STXBP2: variants seen among roughly 807,000 people sequenced by gnomAD.
STXBP2 encodes syntaxin binding protein 2.
A neutral mutation model predicts 72.2 loss-of-function variants in STXBP2; 47 were observed. The observed-to-expected ratio is 0.65, with a 90% CI of 0.51 to 0.83. STXBP2 has a LOEUF of 0.83. STXBP2 is among the 40% of genes least tolerant of loss of function. STXBP2 has a pLI of 0.00. For synonymous variants in STXBP2, 367 were observed against 338.7 expected, an observed-to-expected ratio of 1.08 and a Z score of -0.92; for missense variants, 702 against 807.6, an observed-to-expected ratio of 0.87 and a Z score of 1.58.
At position 7,642,654 on chromosome 19, in the gene STXBP2, CCA is replaced by C. The variant is rs2031941416; in HGVS notation, c.903-111_903-110del. The stretch of plus-strand genomic sequence containing the variant: ...CCTCATGAGCACCCCTCGTGTGACT[CCA>C]GACTGGCCTCCAATTTCACCCCACC... On this transcript the variant is annotated intron_variant, in intron 10 of 18. Transcript: ENST00000221283. The surrounding 1 kb of genome is among the most constrained non-coding windows in gnomAD (Gnocchi z 6.0). The C allele has an allele frequency of 6.8e-7, 1 of 1,479,000 alleles. No homozygotes were observed. Among genetic ancestry groups the C allele is most frequent in the Non-Finnish European group, 9.4e-7 (1 of 1,064,182 alleles). The allele number at this position is 1,479,000 out of a possible 1,614,324, so 91.6% of individuals were successfully genotyped here.
chr19:7,630,536 G>T, the STXBP2 span: 2 of 1,465,252 alleles, frequency 1.4e-6, no homozygotes, highest in South Asian at 1.2e-5. Flanking sequence ...CACATTGCTT[G>T]GGGGGAGCTC....
In STXBP2 at chr19:7,638,431, A is replaced by G. The variant is rs752531041; in HGVS notation, c.38-295A>G. ...AGCTTGGGCAACATAGCGAGACCCC[A>G]TCTATACAGAAATAAAAATAAATTA... On this transcript the variant is annotated intron_variant, in intron 1 of 18. Transcript: ENST00000221283. Among the ~76,000 whole-genome samples the G allele has an allele frequency of 7.4e-4, 112 of 152,276 alleles. 1 individual carries two copies. In the Middle Eastern group the frequency reaches 0.014, roughly 18 times the overall value.
chr19:7,632,505 G>GT (rs2031361148), upstream of STXBP2: 2 of 1,613,400 alleles, frequency 1.2e-6, no homozygotes, highest in Admixed American at 1.7e-5. The surrounding 1 kb of genome is among the most constrained non-coding windows in gnomAD (Gnocchi z 5.2). Context: ...CATCTCGGGG[G>GT]TGGGGTCGCT....
upstream of STXBP2, chr19:7,633,381 G>T (rs1278053203): frequency 3.2e-6 from 5 of 1,554,056 alleles, no homozygotes; most frequent in Non-Finnish European, 3.5e-6. Context: ...TGAGCTGGGG[G>T]TGGGGTGGGG....
intron 13 of STXBP2, among the ~76,000 whole-genome samples, chr19:7,644,114 G>A (rs112140291): frequency 2.6e-4 from 32 of 123,860 alleles, no homozygotes; most frequent in East Asian, 5.8e-4. Context: ...GAGGGGTGGA[G>A]CCTTGGAGAG....
At position 7,642,919 on chromosome 19, in the gene STXBP2, G is replaced by A; in HGVS notation, c.961-64G>A. ...AGCCTGGATTTCGAGCCTGGACTGA[G>A]ACCCAGGTGGGCACTGCCTGGCTTC... On this transcript the variant is annotated intron_variant, in intron 11 of 18. Transcript: ENST00000221283. This position sits in a 1 kb window ranked among gnomAD's most constrained non-coding sequence, Gnocchi z 6.0. 6.2e-7 allele frequency: 1 copy of A among 1,612,486 alleles called. No homozygotes were observed. The highest frequency in any genetic ancestry group is 8.5e-7 in the Non-Finnish European group (1 of 1,178,506).
intron 6 of STXBP2, 40 bp downstream of exon 6, chr19:7,641,043 G>A (rs763101588): frequency 6.3e-7 from 1 of 1,597,414 alleles, no homozygotes; most frequent in South Asian, 1.1e-5. Flanking sequence ...GTGGGGGTTT[G>A]TGACCAAATG....
intron 4 of STXBP2, chr19:7,640,027 T>C (rs1220944221): frequency 1.5e-6 from 1 of 671,290 alleles, no homozygotes; most frequent in East Asian, 2.9e-5. Context: ...TGCATGTGCA[T>C]GTGTGTGCGT....
the STXBP2 span, chr19:7,631,534 G>A: frequency 2.4e-5 from 37 of 1,535,844 alleles, no homozygotes; most frequent in Non-Finnish European, 2.8e-5. Flanking sequence ...AAGCTCCTTC[G>A]CGACGCCCAG....
At chr19:7,630,028 G>A in the STXBP2 span, 1 of 856,936 alleles carries the variant, frequency 1.2e-6, no homozygotes, top group Non-Finnish European at 1.7e-6. Flanking sequence ...GGGACGCTGG[G>A]CTGGGGGGGT....
chr19:7,640,003 T>G (rs1169562578), intron 4 of STXBP2, 196 bp downstream of exon 4: 1 of 684,532 alleles, frequency 1.5e-6, no homozygotes. Context: ...TGTGTGTCTA[T>G]GTATGTGTCT....
chr19:7,641,199 T>TA (rs1417339723), intron 6 of STXBP2, 196 bp downstream of exon 6: 2 of 663,360 alleles, frequency 3.0e-6, no homozygotes, highest in Non-Finnish European at 5.4e-6. Flanking sequence ...CCCCGTCTCT[T>TA]AAAAAAAGAA....
chr19:7,631,404 G>T, the STXBP2 span: 4 of 1,065,392 alleles, frequency 3.8e-6, no homozygotes, highest in South Asian at 3.1e-5. Context: ...GTGGGCGGGG[G>T]GGGGTGGTCC....
At chr19:7,638,867 T>TGTCCACATG in intron 2 of STXBP2, 92 bp downstream of exon 2, 1 of 1,587,576 alleles carries the variant, frequency 6.3e-7, no homozygotes, top group Non-Finnish European at 8.6e-7. Context: ...AAGAACTGCC[T>TGTCCACATG]GTCCACATGG....
In STXBP2 at chr19:7,640,388, C is replaced by CTG. The variant is rs1425023849; in HGVS notation, c.247-342_247-341dup. 1,999 of 560,232 alleles carry CTG rather than the reference C, an allele frequency of 3.6e-3. 28 individuals carry two copies. The highest frequency in any genetic ancestry group is 0.033 in the African/African-American group (1,613 of 48,452). The allele number at this position is 560,232 out of a possible 1,614,324, so 34.7% of individuals were successfully genotyped here. A position where few individuals can be genotyped will look rare whatever the true frequency, so the allele number is the denominator to read the frequency against. On this transcript the variant is annotated intron_variant, in intron 4 of 18. Coordinates refer to ENST00000221283, the MANE Select transcript of STXBP2 (RefSeq NM_006949.4). ...TATGCGTGTGTGTGCGCATCAGTGT[C>CTG]TGCATGTGTGTATATGTGTGTATGT... is the stretch of plus-strand genomic sequence containing the variant.
intron 4 of STXBP2, chr19:7,640,111 TGTGTGTATGC>T (rs1406342473): frequency 1.2e-5 from 7 of 594,486 alleles, no homozygotes; most frequent in East Asian, 3.4e-5. Context: ...TGTCTGTGCA[TGTGTGTATGC>T]GTGTGTATGT....
intron 18 of STXBP2, 85 bp downstream of exon 18, chr19:7,647,596 G>GA: frequency 6.3e-7 from 1 of 1,585,942 alleles, no homozygotes; most frequent in Middle Eastern, 1.8e-4. Context: ...CTGGACTCCA[G>GA]AGTCCTTGGA....
upstream of STXBP2, among the ~76,000 whole-genome samples, chr19:7,634,678 T>A (rs2031462543): frequency 7.0e-6 from 1 of 143,488 alleles, no homozygotes; most frequent in African/African-American, 2.5e-5. Flanking sequence ...CCTTTAAAAT[T>A]TTTTTTTAAC....
rs1368201805 is a variant in STXBP2, at chr19:7,640,391, CATGTGTGTAT to C, written c.247-329_247-320del. The C allele has an allele frequency of 1.6e-5, 9 of 568,986 alleles. No homozygotes were observed. The East Asian group carries it at 3.3e-4, about 21-fold the overall frequency. 35.2% of individuals were successfully genotyped at this position (568,986 alleles called of 1,614,324 possible). On this transcript the variant is annotated intron_variant, in intron 4 of 18. Coordinates refer to ENST00000221283, the MANE Select transcript of STXBP2 (RefSeq NM_006949.4). ...GCGTGTGTGTGCGCATCAGTGTCTG[CATGTGTGTAT>C]ATGTGTGTATGTATGTGTGCGCGCG...
Sources: allele counts gnomAD v4.1 joint callset (sites outside exome capture counted in the v4.1 genomes callset), GRCh38; gene constraint gnomAD v4.1.1; non-coding constraint Gnocchi (gnomAD v3.1); transcripts MANE v1.5; gene names NCBI Gene and HGNC (gene_info 2026-07-23, HGNC 2026-07-21).